The following NFYC variants were observed in gnomAD, a reference collection of about 807,000 sequenced individuals.
The protein encoded by NFYC is CAAT box DNA-binding protein subunit C.
In NFYC, 25 loss-of-function variants were observed where a neutral mutation model predicts 53.1. That is an observed-to-expected ratio of 0.47 (90% CI 0.34 to 0.66). The LOEUF (loss-of-function observed/expected upper bound fraction) is 0.66. Ranked by LOEUF, NFYC falls within the 30% of genes least tolerant of loss-of-function variation. NFYC has a pLI of 0.01. For synonymous variants in NFYC, 145 were observed against 152.6 expected, an observed-to-expected ratio of 0.95 and a Z score of 0.37; for missense variants, 260 against 422.7, an observed-to-expected ratio of 0.62 and a Z score of 3.38.
rs1646823560 is a variant in NFYC at position 40,766,616 on chromosome 1, G to C, written c.741G>C (p.Gln247His). 2 of 1,613,962 alleles carry C rather than the reference G, an allele frequency of 1.2e-6. No homozygotes were observed. The highest frequency in any genetic ancestry group is 1.7e-6 in the Non-Finnish European group (2 of 1,179,982). ...QQIPVQLNAG[Q>H]LQYIRLAQPV... Reference sequence around the variant, plus strand: ...CCTAGGTGCAGCTGAATGCCGGCCAGCTGCAGTATATCCGCTTAGCCCAGC... The same window carrying C: ...CCTAGGTGCAGCTGAATGCCGGCCACCTGCAGTATATCCGCTTAGCCCAGC... Residue 247 changes from glutamine to histidine, a missense_variant, in exon 8 of 10, where the codon CAG becomes CAC. Coordinates refer to ENST00000447388, the MANE Select transcript of NFYC (RefSeq NM_014223.5).
chr1:40,743,087 A>C (rs1645437035), intron 2 of NFYC, among the ~76,000 whole-genome samples: 1 of 152,242 alleles, frequency 6.6e-6, no homozygotes, highest in Non-Finnish European at 1.5e-5. Context: ...GTGATCTCAG[A>C]CTGGGACACA....
At chr1:40,768,906 A>G (rs989903681) in intron 8 of NFYC, 3 of 164,586 alleles carry the variant, frequency 1.8e-5, no homozygotes, top group Non-Finnish European at 4.0e-5. Context: ...TCTGGGTGAT[A>G]CGGGTTTGGT....
chr1:40,716,582 A>C (rs895726527), intron 1 of NFYC, among the ~76,000 whole-genome samples: 3 of 152,214 alleles, frequency 2.0e-5, no homozygotes, highest in East Asian at 3.9e-4. Flanking sequence ...GGGGTAGTAG[A>C]GTGATGTGGC....
Position 40,691,799 on chromosome 1 carries a change from G to GC in NFYC, c.-75dup, listed in dbSNP as rs1305167431. ...TCCCCCTCCCCTCCGCCGCGCCTGG[G>GC]CCTCTGCATTGCCCGACTCCGTAGG... On this transcript the variant is annotated 5_prime_UTR_variant, in exon 1 of 10. Transcript: ENST00000447388. The GC allele has an allele frequency of 2.2e-6, 1 of 449,970 alleles. No homozygotes were observed. Among genetic ancestry groups the GC allele is most frequent in the Non-Finnish European group, 4.5e-6 (1 of 223,962 alleles). The allele number at this position is 449,970 out of a possible 1,614,324, so 27.9% of individuals were successfully genotyped here.
At chr1:40,761,016 GATCAT>G (rs1646516963) in intron 6 of NFYC, among the ~76,000 whole-genome samples, 1 of 152,206 alleles carries the variant, frequency 6.6e-6, no homozygotes, top group African/African-American at 2.4e-5. Flanking sequence ...CTGATTGGCT[GATCAT>G]CCTAAGAAGC....
chr1:40,708,476 G>A (rs1314748118), intron 1 of NFYC, among the ~76,000 whole-genome samples: 3 of 152,142 alleles, frequency 2.0e-5, no homozygotes, highest in Non-Finnish European at 2.9e-5. Flanking sequence ...GGGGATGATT[G>A]TATTCACTAA....
intron 8 of NFYC, chr1:40,767,046 C>CACAACAG: frequency 7.0e-7 from 1 of 1,433,998 alleles, no homozygotes; most frequent in Non-Finnish European, 9.6e-7. Context: ...CATCTTTAAA[C>CACAACAG]CCAAGTGGCT....
intron 2 of NFYC, among the ~76,000 whole-genome samples, chr1:40,739,591 C>A (rs1645230205): frequency 6.6e-6 from 1 of 152,060 alleles, no homozygotes; most frequent in Non-Finnish European, 1.5e-5. Context: ...TCCCCATGGG[C>A]AAAAATCATC....
intron 1 of NFYC, among the ~76,000 whole-genome samples, chr1:40,710,219 T>C (rs1465199632): frequency 6.6e-6 from 1 of 152,236 alleles, no homozygotes; most frequent in Non-Finnish European, 1.5e-5. Flanking sequence ...GAATGCTGGT[T>C]AGAAATATCT....
chr1:40,718,855 G>C (rs1557772367), intron 1 of NFYC, among the ~76,000 whole-genome samples: 1 of 151,984 alleles, frequency 6.6e-6, no homozygotes, highest in Non-Finnish European at 1.5e-5. Flanking sequence ...GAATCATGGT[G>C]GTTTTTTTTG....
At chr1:40,739,249 C>T (rs1430723860) in intron 2 of NFYC, among the ~76,000 whole-genome samples, 1 of 152,168 alleles carries the variant, frequency 6.6e-6, no homozygotes, top group Non-Finnish European at 1.5e-5. Flanking sequence ...GAGATCTCAT[C>T]TTCCTTCAGT....
Position 40,749,564 on chromosome 1 carries a change from C to G in NFYC, c.178-9C>G, listed in dbSNP as rs374397281. ...GGTGATTGACAGGGAGGGCCTGTGT[C>G]TGTTACAGATGATCAGTGCAGAAGC... is the stretch of plus-strand genomic sequence containing the variant. On this transcript the variant is annotated splice_polypyrimidine_tract_variant and intron_variant, in intron 3 of 9. Coordinates refer to ENST00000447388, the MANE Select transcript of NFYC (RefSeq NM_014223.5). The G allele has an allele frequency of 6.2e-7, 1 of 1,609,104 alleles. No individual in the cohort carries two copies. Among genetic ancestry groups the G allele is most frequent in the African/African-American group, 1.3e-5 (1 of 74,824 alleles).
chr1:40,767,635 G>A (rs747998165), intron 8 of NFYC, among the ~76,000 whole-genome samples: 5 of 152,032 alleles, frequency 3.3e-5, no homozygotes. Context: ...AAAACATAAC[G>A]GCATGGGAGT....
At chr1:40,710,834 G>A (rs1484568965) in intron 1 of NFYC, among the ~76,000 whole-genome samples, 3 of 152,162 alleles carry the variant, frequency 2.0e-5, no homozygotes, top group Non-Finnish European at 4.4e-5. Flanking sequence ...GTCGTTGCTT[G>A]CAAAAGTGAC....
At chr1:40,758,059 T>A in intron 5 of NFYC, 62 bp from the exon 6 acceptor site, 2 of 1,586,844 alleles carry the variant, frequency 1.3e-6, no homozygotes, top group Non-Finnish European at 1.7e-6. Flanking sequence ...GAGTGGAAAT[T>A]CACTGTGGCG....
intron 8 of NFYC, among the ~76,000 whole-genome samples, chr1:40,767,395 C>G (rs919359604): frequency 6.6e-5 from 10 of 152,142 alleles, no homozygotes; most frequent in Non-Finnish European, 1.2e-4. Flanking sequence ...ACAGTGGTGA[C>G]AGAGCTGAGT....
chr1:40,756,118 T>C (rs1646204924), intron 5 of NFYC, among the ~76,000 whole-genome samples: 1 of 152,166 alleles, frequency 6.6e-6, no homozygotes, highest in South Asian at 2.1e-4. Context: ...TTTTGTAAAA[T>C]AATAAGGGAG....
At chr1:40,763,247 T>C in intron 7 of NFYC, 1 of 469,640 alleles carries the variant, frequency 2.1e-6, no homozygotes, top group Admixed American at 3.3e-5. Flanking sequence ...TACCTTGATA[T>C]GTATATCTAT....
intron 6 of NFYC, among the ~76,000 whole-genome samples, chr1:40,762,088 G>C (rs1646577995): frequency 6.6e-6 from 1 of 152,194 alleles, no homozygotes; most frequent in Non-Finnish European, 1.5e-5. Context: ...ACATTTCATA[G>C]GACTACAACC....
Sources: allele counts gnomAD v4.1 joint callset (sites outside exome capture counted in the v4.1 genomes callset), GRCh38; gene constraint gnomAD v4.1.1; transcripts MANE v1.5; gene names NCBI Gene and HGNC (gene_info 2026-07-23, HGNC 2026-07-21).